The following SLC4A5 variants were observed in gnomAD, a reference collection of about 807,000 sequenced individuals.
The protein encoded by SLC4A5 is solute carrier family 4 member 5, also known as electrogenic sodium bicarbonate cotransporter 4.
A neutral mutation model predicts 120.4 loss-of-function variants in SLC4A5; 96 were observed. The ratio of observed to expected loss-of-function variants is 0.80; its 90% CI spans 0.68 to 0.94. The LOEUF (loss-of-function observed/expected upper bound fraction) is 0.94. Ranked by LOEUF, SLC4A5 falls within the 40% of genes least tolerant of loss-of-function variation. The pLI is 0.00. For synonymous variants in SLC4A5, 550 were observed against 571.1 expected (o/e 0.96, Z 0.53); for missense variants, 1,259 against 1,459.5 (o/e 0.86, Z 2.24).
intron 23 of SLC4A5, 115 bp downstream of exon 23, chr2:74,233,287 T>A: frequency 8.1e-7 from 1 of 1,241,548 alleles, no homozygotes; most frequent in Non-Finnish European, 1.2e-6. Flanking sequence ...CTCTAGTCTC[T>A]GTCCTCATAT....
At chr2:74,288,048 G>C (rs1331893705) in intron 7 of SLC4A5, among the ~76,000 whole-genome samples, 1 of 152,186 alleles carries the variant, frequency 6.6e-6, no homozygotes, top group Admixed American at 6.5e-5. Context: ...GACAAAGGCA[G>C]AGGTTTCAAA....
intron 5 of SLC4A5, among the ~76,000 whole-genome samples, chr2:74,317,630 A>G (rs915443945): frequency 6.6e-6 from 1 of 152,202 alleles, no homozygotes; most frequent in Non-Finnish European, 1.5e-5. Context: ...AGGACAGAAG[A>G]TCCCTGGACA....
At chr2:74,308,240 C>A (rs1046435721) in intron 6 of SLC4A5, among the ~76,000 whole-genome samples, 3 of 152,154 alleles carry the variant, frequency 2.0e-5, no homozygotes, top group Admixed American at 6.5e-5. Flanking sequence ...TGGGTACATA[C>A]CTAGGAACAT....
In SLC4A5 at chr2:74,245,845, A is replaced by G. The variant is rs376286700; in HGVS notation, c.2059+1191T>C. ...AATGTATTAAGGGGCTGAACCCACT[A>G]TCCACTTATTTCCTTCAACTCAATC... On this transcript the variant is annotated intron_variant, in intron 19 of 30. Transcript: ENST00000394019. 2.3e-4 allele frequency among the ~76,000 whole-genome samples: 35 copies of G among 152,332 alleles called. No individual in the cohort carries two copies. The East Asian group carries it at 4.6e-3, about 20-fold the overall frequency.
chr2:74,308,344 C>A (rs755515529), intron 6 of SLC4A5, among the ~76,000 whole-genome samples: 4 of 152,186 alleles, frequency 2.6e-5, no homozygotes, highest in African/African-American at 4.8e-5. Context: ...TTCCCACCAG[C>A]AATGGAAGAG....
chr2:74,272,629 CA>C (rs1223411959), intron 8 of SLC4A5, among the ~76,000 whole-genome samples: 1 of 152,218 alleles, frequency 6.6e-6, no homozygotes, highest in Non-Finnish European at 1.5e-5. Flanking sequence ...CCAGGGTGGG[CA>C]CCAGGTGCCC....
At chr2:74,220,329 T>C (rs1352567141) in intron 30 of SLC4A5, among the ~76,000 whole-genome samples, 1 of 152,126 alleles carries the variant, frequency 6.6e-6, no homozygotes, top group Non-Finnish European at 1.5e-5. Flanking sequence ...CCATCTCCAG[T>C]TGATCTCTGA....
At chr2:74,285,695 C>T in intron 8 of SLC4A5, 78 bp downstream of exon 8, 1 of 1,559,714 alleles carries the variant, frequency 6.4e-7, no homozygotes, top group Non-Finnish European at 8.7e-7. Context: ...CAAGGTGCCA[C>T]TTCCCACCAG....
At chr2:74,220,899 G>A (rs1487920591) in intron 30 of SLC4A5, among the ~76,000 whole-genome samples, 1 of 145,798 alleles carries the variant, frequency 6.9e-6, no homozygotes, top group Non-Finnish European at 1.5e-5. Context: ...GGAGTGCAGT[G>A]GCGCGATCTC....
chr2:74,244,689 T>C (rs975182183), intron 19 of SLC4A5, among the ~76,000 whole-genome samples: 6 of 152,126 alleles, frequency 3.9e-5, no homozygotes, highest in African/African-American at 1.4e-4. Flanking sequence ...TCAAGTGAAA[T>C]TCCTGTCTCA....
intron 19 of SLC4A5, among the ~76,000 whole-genome samples, chr2:74,242,919 G>A (rs1670492746): frequency 6.6e-6 from 1 of 152,178 alleles, no homozygotes; most frequent in Admixed American, 6.5e-5. Flanking sequence ...CTCCCAAAGT[G>A]CTGGGATTAC....
At chr2:74,303,058 G>A (rs1672523202) in intron 7 of SLC4A5, among the ~76,000 whole-genome samples, 1 of 149,904 alleles carries the variant, frequency 6.7e-6, no homozygotes, top group Admixed American at 6.7e-5. Context: ...ATGTGGAAGT[G>A]TTTTTTTGTG....
intron 30 of SLC4A5, among the ~76,000 whole-genome samples, chr2:74,220,677 C>T (rs981184899): frequency 6.0e-5 from 9 of 150,272 alleles, no homozygotes; most frequent in Admixed American, 1.3e-4. Flanking sequence ...CCACCATGCC[C>T]GGCTAATTTT....
At chr2:74,226,834 C>T in intron 27 of SLC4A5, 123 bp downstream of exon 27, 3 of 1,164,390 alleles carry the variant, frequency 2.6e-6, no homozygotes, top group Non-Finnish European at 3.7e-6. Flanking sequence ...CCTCCGTGAC[C>T]CGAGGGAGCC....
intron 4 of SLC4A5, 69 bp from the exon 5 acceptor site, chr2:74,328,255 C>T (rs1673265320): frequency 1.1e-6 from 1 of 940,840 alleles, no homozygotes. Context: ...TGGAGATTGA[C>T]TTCTGAGGCT....
At chr2:74,288,841 A>T (rs368055542) in intron 7 of SLC4A5, among the ~76,000 whole-genome samples, 1 of 152,022 alleles carries the variant, frequency 6.6e-6, no homozygotes, top group Non-Finnish European at 1.5e-5. Flanking sequence ...TCTCCCATCA[A>T]CCCAGCCCTG....
Position 74,219,058 on chromosome 2 carries a change from C to A in SLC4A5, c.*34-266G>T, listed in dbSNP as rs550332399. On this transcript the variant is annotated intron_variant, in intron 30 of 30. Coordinates refer to ENST00000394019, the Ensembl canonical transcript of SLC4A5. ...CATTGGGTTCAAAGAATCTAAGCTC[C>A]TTAGTGTGAGAAGACAGGAGTGTCT... Among the ~76,000 whole-genome samples the A allele has an allele frequency of 2.0e-4, 31 of 152,190 alleles. 1 individual carries two copies. The South Asian group carries it at 2.5e-3, about 12-fold the overall frequency.
intron 26 of SLC4A5, chr2:74,227,531 T>C: frequency 6.2e-7 from 1 of 1,612,578 alleles, no homozygotes; most frequent in Non-Finnish European, 8.5e-7. Flanking sequence ...GTCAGCTTCT[T>C]CTGGATTTTG....
At chr2:74,227,449 C>T (rs1694885221) in intron 26 of SLC4A5, 4 of 1,563,248 alleles carry the variant, frequency 2.6e-6, no homozygotes, top group Non-Finnish European at 3.5e-6. Context: ...AAATACAGAA[C>T]AAAACAAAAA....
Sources: allele counts gnomAD v4.1 joint callset (sites outside exome capture counted in the v4.1 genomes callset), GRCh38; gene constraint gnomAD v4.1.1; transcripts MANE v1.5; gene names NCBI Gene and HGNC (gene_info 2026-07-23, HGNC 2026-07-21).